ZNF48: variants seen among roughly 807,000 people sequenced by gnomAD.
ZNF48 encodes the protein zinc finger protein 48, also known as zinc finger protein 553.
In ZNF48, 20 loss-of-function variants were observed where a neutral mutation model predicts 40.0. The ratio of observed to expected loss-of-function variants is 0.50; its 90% CI spans 0.35 to 0.73. ZNF48 has a LOEUF of 0.73. Among genes scored for constraint, ZNF48 ranks in the 30% least tolerant of loss-of-function variants. ZNF48 has a pLI of 0.01. For missense variants in ZNF48, 726 were observed against 851.9 expected, an observed-to-expected ratio of 0.85 and a Z score of 1.84; for synonymous variants, 298 against 329.7, an observed-to-expected ratio of 0.90 and a Z score of 1.04.
Position 30,398,045 on chromosome 16 carries a change from C to T in ZNF48, c.795C>T (p.Thr265=). The part of the protein sequence containing the change: ...RQPSRAATAA[T]QGPKAQDKPY... Reference sequence around the variant, plus strand: ...CATCTCGGGCAGCCACGGCAGCTACCCAGGGACCGAAGGCCCAGGACAAGC... The same window carrying T: ...CATCTCGGGCAGCCACGGCAGCTACTCAGGGACCGAAGGCCCAGGACAAGC... Residue 265 remains threonine, a synonymous_variant, in exon 3 of 3, where the codon ACC becomes ACT. Coordinates refer to ENST00000613509, the MANE Select transcript of ZNF48 (RefSeq NM_001214909.2). This position sits in a 1 kb window ranked among gnomAD's most constrained non-coding sequence, Gnocchi z 6.6. 1 of 1,612,328 alleles carries T rather than the reference C, an allele frequency of 6.2e-7. No homozygotes were observed.
chr16:30,382,679 A>C lies in ZNF48; in HGVS notation c.-16+4269A>C. ...AGAGAGGTGGGGAAGGCCAAGGCCA[A>C]GAACACTTGGGGTTGCCACCTCCTG... On this transcript the variant is annotated intron_variant, in intron 1 of 2. Transcript: ENST00000528032. This position sits in a 1 kb window ranked among gnomAD's most constrained non-coding sequence, Gnocchi z 4.8. 6.5e-7 allele frequency: 1 copy of C among 1,533,966 alleles called. No individual in the cohort carries two copies. The highest frequency in any genetic ancestry group is 8.8e-7 in the Non-Finnish European group (1 of 1,142,596).
At chr16:30,379,219 G>C in intron 1 of ZNF48, 1 of 1,611,064 alleles carries the variant, frequency 6.2e-7, no homozygotes, top group Non-Finnish European at 8.5e-7. Flanking sequence ...CGAACGTCAG[G>C]GAGTTTCGGG....
At chr16:30,379,185 T>G (rs1405512304) in intron 1 of ZNF48, 1 of 1,613,822 alleles carries the variant, frequency 6.2e-7, no homozygotes, top group Admixed American at 1.7e-5. Flanking sequence ...GGTTCTCCAC[T>G]GGAGGGGGGG....
Position 30,381,758 on chromosome 16 carries a change from A to G in ZNF48, c.-16+3348A>G, listed in dbSNP as rs1328616004. 6.2e-7 allele frequency: 1 copy of G among 1,613,628 alleles called. No individual in the cohort carries two copies. Among genetic ancestry groups the G allele is most frequent in the East Asian group, 2.2e-5 (1 of 44,870 alleles). ...GCCTCTGTCCCCTTTCCTCTTCCTC[A>G]CCAGTCAGAGCAGTCCACTGAGTCC... is the stretch of plus-strand genomic sequence containing the variant. On this transcript the variant is annotated intron_variant, in intron 1 of 2. Transcript: ENST00000528032. The surrounding 1 kb of genome is among the most constrained non-coding windows in gnomAD (Gnocchi z 4.3).
In ZNF48 at chr16:30,399,159, G is replaced by A. The variant is rs376005447; in HGVS notation, c.*52G>A. The A allele has an allele frequency of 2.0e-4, 290 of 1,485,250 alleles. No homozygotes were observed. Among genetic ancestry groups the A allele is most frequent in the Admixed American group, 1.3e-4 (6 of 45,106 alleles). 92.0% of individuals were successfully genotyped at this position (1,485,250 alleles called of 1,614,324 possible). On this transcript the variant is annotated 3_prime_UTR_variant, in exon 3 of 3. Transcript: ENST00000613509. ...GGAGACCAAAGGGAGGGGCTCTGCCGCTTAGCAGAGAAGAAAGGGCCTGGG... is the reference window on the plus strand; with the variant it reads ...GGAGACCAAAGGGAGGGGCTCTGCCACTTAGCAGAGAAGAAAGGGCCTGGG...
chr16:30,389,318 G>A (rs1347110528), intron 1 of ZNF48, among the ~76,000 whole-genome samples: 3 of 151,778 alleles, frequency 2.0e-5, no homozygotes, highest in African/African-American at 4.8e-5. Flanking sequence ...GTGAACCCGG[G>A]AGGTGTAGCT....
chr16:30,392,564 C>T (rs2049951515), upstream of ZNF48, among the ~76,000 whole-genome samples: 1 of 152,154 alleles, frequency 6.6e-6, no homozygotes, highest in African/African-American at 2.4e-5. Flanking sequence ...GAAATCAAAC[C>T]AATTAGAGTA....
chr16:30,396,127 T>C, intron 2 of ZNF48: 1 of 397,450 alleles, frequency 2.5e-6, no homozygotes, highest in Non-Finnish European at 4.5e-6. Flanking sequence ...TGTTTTATCC[T>C]GGCAATTGCA....
Position 30,382,147 on chromosome 16 carries a change from T to C in ZNF48, c.-16+3737T>C. 1 of 1,598,724 alleles carries C rather than the reference T, an allele frequency of 6.3e-7. No individual in the cohort carries two copies. Among genetic ancestry groups the C allele is most frequent in the African/African-American group, 1.3e-5 (1 of 74,550 alleles). On this transcript the variant is annotated intron_variant, in intron 1 of 2. Coordinates refer to the ZNF48 transcript ENST00000528032. This position sits in a 1 kb window ranked among gnomAD's most constrained non-coding sequence, Gnocchi z 4.8. Reference sequence around the variant, plus strand: ...TAGAGGTTGGTGAGGAAGAGGCTGTTGATGAGGGTGGATTTCCCTAGGCCT... The same window carrying C: ...TAGAGGTTGGTGAGGAAGAGGCTGTCGATGAGGGTGGATTTCCCTAGGCCT...
In ZNF48 at chr16:30,398,271, G is replaced by C. The variant is rs1198488124; in HGVS notation, c.1021G>C (p.Ala341Pro). The change falls in exon 3 of 3, where the codon GCG becomes CCG. Residue 341 changes from alanine (A) to proline (P), a missense_variant. This residue lies in a region of ZNF48 where 378 missense variants were observed against 449.1 expected (regional missense o/e 0.84). Transcript: ENST00000613509. This position sits in a 1 kb window ranked among gnomAD's most constrained non-coding sequence, Gnocchi z 6.6. ...YLCPECGKGF[A>P]DSSARVKHLR... is the part of the protein sequence containing the mutation. Reference sequence around the variant, plus strand: ...CTGCCCAGAGTGCGGCAAAGGTTTCGCGGACAGCTCCGCCCGAGTCAAACA... The same window carrying C: ...CTGCCCAGAGTGCGGCAAAGGTTTCCCGGACAGCTCCGCCCGAGTCAAACA... 1.2e-6 allele frequency: 2 copies of C among 1,613,312 alleles called. No homozygotes were observed. The highest frequency in any genetic ancestry group is 1.3e-5 in the African/African-American group (1 of 74,918).
In ZNF48 at chr16:30,381,026, T is replaced by G. The variant is rs2049839914; in HGVS notation, c.-16+2616T>G. On this transcript the variant is annotated intron_variant, in intron 1 of 2. Transcript: ENST00000528032. This position sits in a 1 kb window ranked among gnomAD's most constrained non-coding sequence, Gnocchi z 4.3. ...AAGCTTCTCCTACAATCTAGCCTGA[T>G]GCACCATGCTCCAGAAAGGCCACTT... 2 of 941,248 alleles carry G rather than the reference T, an allele frequency of 2.1e-6. No homozygotes were observed. Among genetic ancestry groups the G allele is most frequent in the Non-Finnish European group, 3.5e-6 (2 of 574,814 alleles). 58.3% of individuals were successfully genotyped at this position (941,248 alleles called of 1,614,324 possible).
At chr16:30,378,329 G>C in exon 1 of ZNF48, 2 of 1,125,808 alleles carry the variant, frequency 1.8e-6, no homozygotes, top group Non-Finnish European at 2.5e-6. Flanking sequence ...GCGCGAGGGC[G>C]GCACCCGCGG....
At chr16:30,392,695 G>A (rs922711685), upstream of ZNF48, among the ~76,000 whole-genome samples, 21 of 152,168 alleles carry the variant, frequency 1.4e-4, no homozygotes, top group African/African-American at 5.1e-4. Flanking sequence ...CTAAAGTCAA[G>A]TAGCAATTAA....
In ZNF48 at chr16:30,379,442, G is replaced by C. The variant is rs772941508; in HGVS notation, c.-16+1032G>C. ...CTGCCTGGCCTCACTCACCCTCCAC[G>C]GTCCCCCAGGAGTAGCGGCGTCCCC... On this transcript the variant is annotated intron_variant, in intron 1 of 2. Transcript: ENST00000528032. 5 of 1,613,520 alleles carry C rather than the reference G, an allele frequency of 3.1e-6. No individual in the cohort carries two copies. The African/African-American group carries it at 4.0e-5, about 13-fold the overall frequency.
rs558998216 is a variant in ZNF48, at chr16:30,384,471, C to T, written c.-16+6061C>T. ...CCCAGGAGGTGGAGGTTGCAGCGAG[C>T]CAAGATCGTGCCACTGCACTCCAGC... On this transcript the variant is annotated intron_variant, in intron 1 of 2. Transcript: ENST00000528032. Among the ~76,000 whole-genome samples, 12 of 152,260 alleles carry T rather than the reference C, an allele frequency of 7.9e-5. No individual in the cohort carries two copies. In the South Asian group the frequency reaches 2.5e-3, roughly 32 times the overall value.
At chr16:30,396,205 A>G (rs773152811) in intron 2 of ZNF48, among the ~76,000 whole-genome samples, 26 of 152,144 alleles carry the variant, frequency 1.7e-4, no homozygotes, top group Non-Finnish European at 3.4e-4. Flanking sequence ...AAGTCCAGAT[A>G]TAATCCTGTG....
rs1597002058 is a variant in ZNF48 at position 30,378,842 on chromosome 16, T to TGCGGAGAGAG, written c.-16+433_-16+434insCGGAGAGAGG. 20 of 251,210 alleles carry TGCGGAGAGAG rather than the reference T, an allele frequency of 8.0e-5. No homozygotes were observed. In the East Asian group the frequency reaches 2.1e-3, roughly 26 times the overall value. 15.6% of individuals were successfully genotyped at this position (251,210 alleles called of 1,614,324 possible). Reference sequence around the variant, plus strand: ...AGGTTAGGGCCGGAGGCAAAGCGGGTGGGGAGAGAGGGGGAGAGAGGGAGA... The same window carrying TGCGGAGAGAG: ...AGGTTAGGGCCGGAGGCAAAGCGGGTGCGGAGAGAGGGGGAGAGAGGGGGAGAGAGGGAGA... On this transcript the variant is annotated intron_variant, in intron 1 of 2. Coordinates refer to the ZNF48 transcript ENST00000528032.
At chr16:30,380,099 G>A in intron 1 of ZNF48, 1 of 1,326,002 alleles carries the variant, frequency 7.5e-7, no homozygotes, top group Non-Finnish European at 1.0e-6. Flanking sequence ...CATGACCAGA[G>A]ACAGTGAGAC....
At chr16:30,383,509 A>C (rs2049875798) in intron 1 of ZNF48, among the ~76,000 whole-genome samples, 1 of 152,178 alleles carries the variant, frequency 6.6e-6, no homozygotes, top group African/African-American at 2.4e-5. Context: ...CAAAAAAAGA[A>C]AAAGAAAAAA....
Sources: allele counts gnomAD v4.1 joint callset (sites outside exome capture counted in the v4.1 genomes callset), GRCh38; gene constraint gnomAD v4.1.1; regional missense constraint gnomAD v4.1.1; non-coding constraint Gnocchi (gnomAD v3.1); transcripts MANE v1.5; gene names NCBI Gene and HGNC (gene_info 2026-07-23, HGNC 2026-07-21).